MSR1: variants seen among roughly 807,000 people sequenced by gnomAD.
The protein encoded by MSR1 is macrophage scavenger receptor 1, also known as macrophage scavenger receptor types I and II.
Under a neutral mutation model 47.2 loss-of-function variants are expected in MSR1, and 53 were observed. The ratio of observed to expected loss-of-function variants is 1.12; its 90% CI spans 0.90 to 1.41. The LOEUF (loss-of-function observed/expected upper bound fraction) is 1.41, where lower values mean the gene tolerates loss of function less well. MSR1 is among the 40% of genes most tolerant of loss of function. The probability of loss-of-function intolerance (pLI) is 0.00; values close to 1 mark genes in which losing one functional copy is unlikely to be tolerated. For missense variants in MSR1, 786 were observed against 546.9 expected (o/e 1.44, Z -4.36); for synonymous variants, 239 against 185.6 (o/e 1.29, Z -2.34).
chr8:16,143,055 T>C lies in MSR1; in HGVS notation c.1033+503A>G, dbSNP rs1800602161. On this transcript the variant is annotated intron_variant, in intron 8 of 9. Coordinates refer to ENST00000262101, the MANE Select transcript of MSR1 (RefSeq NM_138715.3). Reference sequence around the variant, plus strand: ...TCGGCAGTAGATTGACAAATATTCTTGTTGTGAAATCTATTCTGTTGTAGG... The same window carrying C: ...TCGGCAGTAGATTGACAAATATTCTCGTTGTGAAATCTATTCTGTTGTAGG... Among the ~76,000 whole-genome samples the C allele has an allele frequency of 2.0e-5, 3 of 152,138 alleles. No individual in the cohort carries two copies. In the South Asian group the frequency reaches 6.2e-4, roughly 32 times the overall value.
chr8:16,183,736 T>C (rs985141532), intron 1 of MSR1, among the ~76,000 whole-genome samples: 1 of 143,200 alleles, frequency 7.0e-6, no homozygotes, highest in African/African-American at 2.5e-5. Flanking sequence ...AATTATATAA[T>C]ATATAATATA....
At chr8:16,176,968 C>T (rs140310918) in intron 2 of MSR1, among the ~76,000 whole-genome samples, 1 of 152,300 alleles carries the variant, frequency 6.6e-6, no homozygotes, top group East Asian at 1.9e-4. Flanking sequence ...GAAATATCTT[C>T]TCTTTCTTTT....
chr8:16,189,406 T>G (rs1458178674), intron 1 of MSR1, among the ~76,000 whole-genome samples: 1 of 101,290 alleles, frequency 9.9e-6, no homozygotes, highest in Non-Finnish European at 1.7e-5. Flanking sequence ...ATATATATTT[T>G]ATATATATTT....
chr8:16,188,592 C>T (rs185042908), intron 1 of MSR1, among the ~76,000 whole-genome samples: 10 of 151,890 alleles, frequency 6.6e-5, no homozygotes, highest in African/African-American at 2.4e-4. Flanking sequence ...TTGCTGCACC[C>T]ATCAGCCCAT....
chr8:16,163,899 C>G (rs1801229237), intron 5 of MSR1, among the ~76,000 whole-genome samples, 166 bp downstream of exon 5: 1 of 151,710 alleles, frequency 6.6e-6, no homozygotes, highest in South Asian at 2.1e-4. Context: ...GTTATCGTAC[C>G]CTGTCTTTAT....
intron 1 of MSR1, among the ~76,000 whole-genome samples, chr8:16,184,765 G>A (rs1801945700): frequency 6.6e-6 from 1 of 151,996 alleles, no homozygotes; most frequent in Non-Finnish European, 1.5e-5. Context: ...TAGAGATGAA[G>A]CTTGATTTTG....
intron 1 of MSR1, chr8:16,186,214 G>A (rs766518127): frequency 3.9e-6 from 6 of 1,535,098 alleles, no homozygotes; most frequent in South Asian, 2.4e-5. Flanking sequence ...CACATCCAGG[G>A]GAGTTTTATT....
chr8:16,189,530 TTA>T (rs1802119129), intron 1 of MSR1, among the ~76,000 whole-genome samples: 1 of 97,942 alleles, frequency 1.0e-5, no homozygotes. Context: ...AAATCATATT[TTA>T]TATATATTTT....
At chr8:16,184,398 AC>A (rs1167982185) in intron 1 of MSR1, among the ~76,000 whole-genome samples, 1 of 152,142 alleles carries the variant, frequency 6.6e-6, no homozygotes, top group Non-Finnish European at 1.5e-5. Context: ...TGGGAAAAAG[AC>A]AAAAGGAGAA....
intron 8 of MSR1, among the ~76,000 whole-genome samples, chr8:16,130,249 C>G (rs1800225073): frequency 6.6e-6 from 1 of 152,100 alleles, no homozygotes; most frequent in South Asian, 2.1e-4. Flanking sequence ...CTTCACAGAT[C>G]CTGCATGTTT....
chr8:16,118,247 A>T (rs927712439), intron 9 of MSR1, among the ~76,000 whole-genome samples: 1 of 152,202 alleles, frequency 6.6e-6, no homozygotes, highest in African/African-American at 2.4e-5. Context: ...CTAAAGCTGA[A>T]GAATCATCAG....
At chr8:16,142,357 A>G (rs1480245156) in intron 8 of MSR1, among the ~76,000 whole-genome samples, 1 of 152,150 alleles carries the variant, frequency 6.6e-6, no homozygotes, top group Non-Finnish European at 1.5e-5. Flanking sequence ...AAACAAAAAA[A>G]CAAAAAAGTA....
intron 5 of MSR1, among the ~76,000 whole-genome samples, chr8:16,158,704 C>T (rs539851555): frequency 1.1e-3 from 166 of 151,704 alleles, no homozygotes; most frequent in African/African-American, 3.9e-3. Context: ...CATTGTTTAA[C>T]TAAACATATT....
chr8:16,119,021 G>A (rs1385903372), intron 9 of MSR1, among the ~76,000 whole-genome samples: 1 of 152,112 alleles, frequency 6.6e-6, no homozygotes, highest in Non-Finnish European at 1.5e-5. Flanking sequence ...TCTCTCTGAA[G>A]CTGTTTATTT....
At chr8:16,144,720 A>G (rs982909025) in intron 7 of MSR1, among the ~76,000 whole-genome samples, 13 of 152,074 alleles carry the variant, frequency 8.5e-5, no homozygotes, top group Non-Finnish European at 1.3e-4. Context: ...TTCATTAAGC[A>G]CTTTGCCCAT....
At chr8:16,163,126 T>C (rs185041036) in intron 5 of MSR1, among the ~76,000 whole-genome samples, 1 of 152,036 alleles carries the variant, frequency 6.6e-6, no homozygotes, top group African/African-American at 2.4e-5. Flanking sequence ...TACTACAAAG[T>C]TTCTGAAACC....
chr8:16,137,550 G>T (rs537759256), intron 8 of MSR1, among the ~76,000 whole-genome samples: 3 of 152,064 alleles, frequency 2.0e-5, no homozygotes, highest in Non-Finnish European at 4.4e-5. Flanking sequence ...ATATTGAATG[G>T]AGTCATAAGG....
intron 7 of MSR1, among the ~76,000 whole-genome samples, chr8:16,149,934 T>C (rs534552671): frequency 2.6e-5 from 4 of 151,928 alleles, no homozygotes; most frequent in African/African-American, 9.7e-5. Flanking sequence ...TGTGTTTTTT[T>C]AAACGATTTT....
chr8:16,129,813 G>A (rs951177591), intron 8 of MSR1, among the ~76,000 whole-genome samples: 3 of 152,106 alleles, frequency 2.0e-5, no homozygotes, highest in African/African-American at 7.2e-5. Context: ...CGGCTGAAGG[G>A]GGCAAATAAT....
Sources: allele counts gnomAD v4.1 joint callset (sites outside exome capture counted in the v4.1 genomes callset), GRCh38; gene constraint gnomAD v4.1.1; transcripts MANE v1.5; gene names NCBI Gene and HGNC (gene_info 2026-07-23, HGNC 2026-07-21).